Variants in SDK1 observed in about 807,000 individuals in gnomAD.
SDK1 encodes the protein sidekick cell adhesion molecule 1, also known as protein sidekick-1.
A neutral mutation model predicts 245.5 loss-of-function variants in SDK1; 157 were observed. That is an observed-to-expected ratio of 0.64 (90% confidence interval 0.56 to 0.73). The LOEUF (loss-of-function observed/expected upper bound fraction) is 0.73, where lower values mean the gene tolerates loss of function less well. SDK1 is among the 30% of genes least tolerant of loss of function. The pLI is 0.00. For missense variants in SDK1, 3,583 were observed against 3,002.3 expected, an observed-to-expected ratio of 1.19 and a Z score of -4.52; for synonymous variants, 1,647 against 1,278.5, an observed-to-expected ratio of 1.29 and a Z score of -6.15.
At chr7:3,502,034 A>G (rs1313143408) in intron 1 of SDK1, among the ~76,000 whole-genome samples, 4 of 152,160 alleles carry the variant, frequency 2.6e-5, no homozygotes, top group East Asian at 1.9e-4. Context: ...TTCCAATTAC[A>G]TATAAGCTTA....
At chr7:3,470,103 C>G (rs1781133297) in intron 1 of SDK1, among the ~76,000 whole-genome samples, 1 of 152,160 alleles carries the variant, frequency 6.6e-6, no homozygotes, top group East Asian at 1.9e-4. Flanking sequence ...TCCATTTGTT[C>G]TCAGCCTTTT....
chr7:3,912,268 C>A (rs992142556), intron 5 of SDK1, among the ~76,000 whole-genome samples: 1 of 152,192 alleles, frequency 6.6e-6, no homozygotes, highest in Non-Finnish European at 1.5e-5. Context: ...GAGGAGCTTT[C>A]TTTATTTATT....
intron 14 of SDK1, among the ~76,000 whole-genome samples, chr7:3,993,301 A>G (rs1327131843): frequency 1.3e-5 from 2 of 152,204 alleles, no homozygotes; most frequent in Non-Finnish European, 2.9e-5. Flanking sequence ...TGGCTGAAAC[A>G]GAAGAATGGT....
intron 1 of SDK1, among the ~76,000 whole-genome samples, chr7:3,464,189 G>GT (rs1463699520): frequency 6.6e-6 from 1 of 152,160 alleles, no homozygotes; most frequent in Non-Finnish European, 1.5e-5. Context: ...ATATGAAGCA[G>GT]TTTTTTGGGG....
chr7:3,955,992 T>G (rs535600114), intron 7 of SDK1, among the ~76,000 whole-genome samples: 2 of 152,184 alleles, frequency 1.3e-5, no homozygotes, highest in Non-Finnish European at 2.9e-5. Flanking sequence ...AAATCTGAGC[T>G]GGCCTTTTCC....
At chr7:4,245,955 G>A in intron 44 of SDK1, 150 bp downstream of exon 44, 1 of 965,126 alleles carries the variant, frequency 1.0e-6, no homozygotes, top group Non-Finnish European at 1.5e-6. Context: ...ATGCAGATGA[G>A]AAAAGAGCCG....
intron 1 of SDK1, among the ~76,000 whole-genome samples, chr7:3,441,072 A>G (rs940582387): frequency 6.6e-6 from 1 of 152,218 alleles, no homozygotes; most frequent in African/African-American, 2.4e-5. Flanking sequence ...CTCATTACAT[A>G]GGCATTGTAC....
At chr7:3,677,457 A>G (rs909656322) in intron 4 of SDK1, among the ~76,000 whole-genome samples, 1 of 152,188 alleles carries the variant, frequency 6.6e-6, no homozygotes, top group African/African-American at 2.4e-5. Flanking sequence ...CAGGTCTTAC[A>G]TGCTGGCAGA....
intron 19 of SDK1, among the ~76,000 whole-genome samples, chr7:4,054,761 G>A (rs1278555534): frequency 6.6e-6 from 1 of 151,928 alleles, no homozygotes; most frequent in Non-Finnish European, 1.5e-5. Context: ...TTTTAATCAA[G>A]TTGAAGTTAT....
At position 3,735,544 on chromosome 7, in the gene SDK1, G is replaced by A. The variant is rs556075234; in HGVS notation, c.714-85906G>A. ...ATATTTCACTGGATGCATAGGGCACGGTGTGTTTACCTGTTTATCCCTCCA... is the reference window on the plus strand; with the variant it reads ...ATATTTCACTGGATGCATAGGGCACAGTGTGTTTACCTGTTTATCCCTCCA... On this transcript the variant is annotated intron_variant, in intron 4 of 44. Coordinates refer to ENST00000404826, the MANE Select transcript of SDK1 (RefSeq NM_152744.4). 5.0e-4 allele frequency among the ~76,000 whole-genome samples: 76 copies of A among 152,234 alleles called. 1 individual carries two copies. The highest frequency in any genetic ancestry group is 1.7e-3 in the African/African-American group (69 of 41,538).
intron 1 of SDK1, among the ~76,000 whole-genome samples, chr7:3,428,909 G>C (rs1053971882): frequency 6.6e-6 from 1 of 152,210 alleles, no homozygotes; most frequent in Non-Finnish European, 1.5e-5. Context: ...GAGATATTGA[G>C]ATACTCTGCT....
At chr7:3,824,037 C>T (rs972934944) in intron 5 of SDK1, among the ~76,000 whole-genome samples, 4 of 151,414 alleles carry the variant, frequency 2.6e-5, no homozygotes, top group African/African-American at 9.7e-5. Flanking sequence ...CTGCAGAATC[C>T]CCCAGAATTG....
rs114963154 is a variant in SDK1, at chr7:3,613,196, C to G, written c.299-5884C>G. 5.1e-3 allele frequency among the ~76,000 whole-genome samples: 778 copies of G among 152,246 alleles called. 8 individuals are homozygous for G. Among genetic ancestry groups the G allele is most frequent in the African/African-American group, 0.018 (727 of 41,536 alleles). On this transcript the variant is annotated intron_variant, in intron 1 of 44. Transcript: ENST00000404826. ...CAATGAAAATCCATCGCAAGACCCC[C>G]TTTCTTGATGTTAGGGAAGCCGGGG... is the stretch of plus-strand genomic sequence containing the variant.
intron 1 of SDK1, among the ~76,000 whole-genome samples, chr7:3,536,331 G>A (rs781442646): frequency 3.9e-5 from 6 of 151,984 alleles, no homozygotes; most frequent in Non-Finnish European, 8.8e-5. Context: ...CTCCCAAAGT[G>A]TTGGGATTAT....
At chr7:4,161,702 C>A in intron 31 of SDK1, 84 bp from the exon 32 acceptor site, 1 of 1,111,538 alleles carries the variant, frequency 9.0e-7, no homozygotes, top group Non-Finnish European at 1.4e-6. Flanking sequence ...CCAGCCTCCC[C>A]ATACTCACTG....
intron 4 of SDK1, among the ~76,000 whole-genome samples, chr7:3,808,531 C>T (rs192205803): frequency 8.5e-5 from 13 of 152,324 alleles, no homozygotes; most frequent in East Asian, 3.9e-4. Flanking sequence ...AATCCCAGCC[C>T]GACCTGCACC....
At chr7:3,953,051 C>T (rs1046486399) in intron 7 of SDK1, among the ~76,000 whole-genome samples, 4 of 151,802 alleles carry the variant, frequency 2.6e-5, no homozygotes, top group Non-Finnish European at 4.4e-5. Context: ...AGGAGAATCT[C>T]GACTTCCTCT....
chr7:4,109,236 A>C (rs955939244), intron 22 of SDK1, among the ~76,000 whole-genome samples: 15 of 152,136 alleles, frequency 9.9e-5, no homozygotes, highest in Admixed American at 5.2e-4. Context: ...TGGAGGAGCC[A>C]CTGACCATGT....
chr7:4,062,182 G>C (rs1051896744), intron 19 of SDK1, among the ~76,000 whole-genome samples: 6 of 152,006 alleles, frequency 3.9e-5, no homozygotes, highest in African/African-American at 1.4e-4. Flanking sequence ...CTCAGTTTTA[G>C]GGAAGATACA....
Sources: allele counts gnomAD v4.1 joint callset (sites outside exome capture counted in the v4.1 genomes callset), GRCh38; gene constraint gnomAD v4.1.1; transcripts MANE v1.5; gene names NCBI Gene and HGNC (gene_info 2026-07-23, HGNC 2026-07-21).